Variants in CAD observed in about 807,000 individuals in gnomAD.
CAD encodes multifunctional protein CAD.
CAD carries 81 observed loss-of-function variants against 237.2 expected under a neutral mutation model. The ratio of observed to expected loss-of-function variants is 0.34; its 90% confidence interval spans 0.29 to 0.41. The LOEUF is 0.41. Among genes scored for constraint, CAD ranks in the 10% least tolerant of loss-of-function variants. CAD has a pLI of 1.00. For missense variants in CAD, 2,181 were observed against 2,951.7 expected (o/e 0.74, Z 6.05); for synonymous variants, 1,196 against 1,162.8 (o/e 1.03, Z -0.58).
intron 16 of CAD, 38 bp downstream of exon 16, chr2:27,231,618 A>T (rs1186547019): frequency 1.6e-6 from 2 of 1,262,678 alleles, no homozygotes; most frequent in Non-Finnish European, 2.3e-6. Context: ...CCCCTAAAAT[A>T]GACCCTGCTT....
chr2:27,239,324 T>C lies in CAD; in HGVS notation c.5254-7T>C. The C allele has an allele frequency of 6.2e-7, 1 of 1,612,558 alleles. No individual in the cohort carries two copies. The highest frequency in any genetic ancestry group is 1.7e-4 in the Middle Eastern group (1 of 6,052). On this transcript the variant is annotated splice_polypyrimidine_tract_variant and splice_region_variant and intron_variant, in intron 32 of 43. Transcript: ENST00000264705. The surrounding 1 kb of genome is among the most constrained non-coding windows in gnomAD (Gnocchi z 4.0). ...TTTCCCTAGCATAACCCATGTCCTC[T>C]GGGCAGGTGGATCTGGAGCATGAGT...
Position 27,240,782 on chromosome 2 carries a change from T to C in CAD, c.5594-129T>C. The C allele has an allele frequency of 8.3e-7, 1 of 1,202,240 alleles. No individual in the cohort carries two copies. Among genetic ancestry groups the C allele is most frequent in the Non-Finnish European group, 1.2e-6 (1 of 835,664 alleles). The allele number at this position is 1,202,240 out of a possible 1,614,324, so 74.5% of individuals were successfully genotyped here. On this transcript the variant is annotated intron_variant, in intron 35 of 43. Coordinates refer to ENST00000264705, the MANE Select transcript of CAD (RefSeq NM_004341.5). The surrounding 1 kb of genome is among the most constrained non-coding windows in gnomAD (Gnocchi z 4.6). ...GCTGCTGCAGTCCCCTGCCCTCCCC[T>C]AACCTGCTATATTACTGTGTTGTGA...
chr2:27,225,974 T>C (rs1232468790), intron 12 of CAD, 48 bp downstream of exon 12: 1 of 1,580,396 alleles, frequency 6.3e-7, no homozygotes, highest in Non-Finnish European at 8.7e-7. Context: ...AGGATGAGCT[T>C]TTGGAAGAGC....
Position 27,231,990 on chromosome 2 carries a change from C to T in CAD, c.2411C>T (p.Thr804Ile), listed in dbSNP as rs753227807. The T allele has an allele frequency of 1.9e-6, 3 of 1,614,114 alleles. No homozygotes were observed. Among genetic ancestry groups the T allele is most frequent in the African/African-American group, 2.7e-5 (2 of 74,930 alleles). Reference protein sequence around the residue: ...VKPVSDMELETPTDKRIFVVA... With the variant: ...VKPVSDMELEIPTDKRIFVVA... ...CCCCCTTTCTATCAGGAGTTGGAGA[C>T]TCCAACAGATAAGCGGATTTTTGTG... is the stretch of plus-strand genomic sequence containing the variant. The change falls in exon 17 of 44, where the codon ACT becomes ATT. Residue 804 changes from threonine (T) to isoleucine (I), a missense_variant. This residue lies in a region of CAD where 385 missense variants were observed against 535.1 expected (regional missense o/e 0.72). Transcript: ENST00000264705.
In CAD at chr2:27,232,360, C is replaced by T; in HGVS notation, c.2646-88C>T. 1.3e-6 allele frequency: 2 copies of T among 1,581,866 alleles called. No homozygotes were observed. The highest frequency in any genetic ancestry group is 1.7e-6 in the Non-Finnish European group (2 of 1,162,956). On this transcript the variant is annotated intron_variant, in intron 17 of 43. Transcript: ENST00000264705. This position sits in a 1 kb window ranked among gnomAD's most constrained non-coding sequence, Gnocchi z 4.1. ...TCTGACCTTGGTTCCAAGGATATTTCCTCTCATCTGTGCCCTGGGGTCTCA... is the reference window on the plus strand; with the variant it reads ...TCTGACCTTGGTTCCAAGGATATTTTCTCTCATCTGTGCCCTGGGGTCTCA...
At chr2:27,222,476 A>T in intron 4 of CAD, 43 bp from the exon 5 acceptor site, 1 of 1,605,850 alleles carries the variant, frequency 6.2e-7, no homozygotes, top group Non-Finnish European at 8.5e-7. Flanking sequence ...ATACCCACTG[A>T]GCACAGCTGC....
Position 27,235,509 on chromosome 2 carries a change from C to T in CAD, c.3970-27C>T, listed in dbSNP as rs1675957869. The T allele has an allele frequency of 1.9e-6, 3 of 1,612,362 alleles. No homozygotes were observed. Among genetic ancestry groups the T allele is most frequent in the Admixed American group, 1.7e-5 (1 of 59,978 alleles). On this transcript the variant is annotated intron_variant, in intron 24 of 43. Coordinates refer to ENST00000264705, the MANE Select transcript of CAD (RefSeq NM_004341.5). The surrounding 1 kb of genome is among the most constrained non-coding windows in gnomAD (Gnocchi z 5.2). ...CTTGAAATGGAAGACAGGAAGAAAA[C>T]AATTTCATCCTTCTGTTTGGTTTCA...
intron 15 of CAD, among the ~76,000 whole-genome samples, chr2:27,227,911 G>A (rs1016728349): frequency 2.6e-5 from 4 of 152,260 alleles, no homozygotes; most frequent in African/African-American, 7.2e-5. Flanking sequence ...GTGTATCTGC[G>A]ACTGCATAAT....
chr2:27,233,911 A>G lies in CAD; in HGVS notation c.3400-97A>G. The G allele has an allele frequency of 6.5e-7, 1 of 1,548,850 alleles. No homozygotes were observed. The highest frequency in any genetic ancestry group is 8.9e-7 in the Non-Finnish European group (1 of 1,127,196). On this transcript the variant is annotated intron_variant, in intron 21 of 43. Transcript: ENST00000264705. The surrounding 1 kb of genome is among the most constrained non-coding windows in gnomAD (Gnocchi z 6.3). ...AATCATAGGCACCAGGGCTGGGAACAGTGGGCTATGTGGGGCTCGTTAAAG... is the reference window on the plus strand; with the variant it reads ...AATCATAGGCACCAGGGCTGGGAACGGTGGGCTATGTGGGGCTCGTTAAAG...
chr2:27,237,348 C>T lies in CAD; in HGVS notation c.4397-31C>T. The T allele has an allele frequency of 6.2e-7, 1 of 1,610,418 alleles. No individual in the cohort carries two copies. The highest frequency in any genetic ancestry group is 8.5e-7 in the Non-Finnish European group (1 of 1,177,242). On this transcript the variant is annotated intron_variant, in intron 27 of 43. Transcript: ENST00000264705. This position sits in a 1 kb window ranked among gnomAD's most constrained non-coding sequence, Gnocchi z 4.0. ...TCACCCTTCCTATTTCTGAATCTTC[C>T]TGTAATCTTGCTGCTTCCATTTTCT...
chr2:27,230,091 A>G (rs1305006631), intron 15 of CAD, among the ~76,000 whole-genome samples: 1 of 150,894 alleles, frequency 6.6e-6, no homozygotes, highest in Admixed American at 6.6e-5. Context: ...TACAAAAATT[A>G]CCCAGGCATG....
At position 27,237,417 on chromosome 2, in the gene CAD, G is replaced by A; in HGVS notation, c.4435G>A (p.Gly1479Arg). The change falls in exon 28 of 44, where the codon GGG becomes AGG. Residue 1479 changes from glycine (G) to arginine (R), a missense_variant. Coordinates refer to ENST00000264705, the MANE Select transcript of CAD (RefSeq NM_004341.5). The surrounding 1 kb of genome is among the most constrained non-coding windows in gnomAD (Gnocchi z 4.0). ...CCATGTGCACCTGCGGGAACCAGGTGGGACACATAAGGAGGACTTTGCTTC... is the reference window on the plus strand; with the variant it reads ...CCATGTGCACCTGCGGGAACCAGGTAGGACACATAAGGAGGACTTTGCTTC... ...DVHVHLREPG[G>R]THKEDFASGT... 5 of 1,614,164 alleles carry A rather than the reference G, an allele frequency of 3.1e-6. No homozygotes were observed. Among genetic ancestry groups the A allele is most frequent in the Non-Finnish European group, 3.4e-6 (4 of 1,180,014 alleles).
chr2:27,224,665 G>C lies in CAD; in HGVS notation c.1255-80G>C, dbSNP rs1675343074. 2.5e-6 allele frequency: 4 copies of C among 1,575,124 alleles called. No homozygotes were observed. The East Asian group carries it at 9.0e-5, about 35-fold the overall frequency. On this transcript the variant is annotated intron_variant, in intron 9 of 43. Transcript: ENST00000264705. Reference sequence around the variant, plus strand: ...GGGGCCAAGAGTACAGGGAGGGAAAGAAGAGGAGAATGCTACTCTAAGGCT... The same window carrying C: ...GGGGCCAAGAGTACAGGGAGGGAAACAAGAGGAGAATGCTACTCTAAGGCT...
chr2:27,241,377 G>A lies in CAD; in HGVS notation c.5864G>A (p.Arg1955Gln), dbSNP rs1318916084. The A allele has an allele frequency of 1.2e-6, 2 of 1,614,158 alleles. No homozygotes were observed. The highest frequency in any genetic ancestry group is 1.7e-6 in the Non-Finnish European group (2 of 1,180,006). ...CTGCGTATGATGGTGCAGAAGGAGC[G>A]GAGCCTCGACATCCTGAAGGTCAGG... Reference protein sequence around the residue: ...HTLRMMVQKERSLDILKGKVM... With the variant: ...HTLRMMVQKEQSLDILKGKVM... The change falls in exon 38 of 44, where the codon CGG becomes CAG. Residue 1955 changes from arginine to glutamine, a missense_variant. Coordinates refer to ENST00000264705, the MANE Select transcript of CAD (RefSeq NM_004341.5). The surrounding 1 kb of genome is among the most constrained non-coding windows in gnomAD (Gnocchi z 4.6).
rs2148067322 is a variant in CAD, at chr2:27,226,584, C to T, written c.2091C>T (p.Ala697=). 4 of 1,614,144 alleles carry T rather than the reference C, an allele frequency of 2.5e-6. No individual in the cohort carries two copies. Among genetic ancestry groups the T allele is most frequent in the Non-Finnish European group, 2.5e-6 (3 of 1,180,012 alleles). Residue 697 remains alanine (A), a synonymous_variant, in exon 14 of 44, where the codon GCC becomes GCT. Transcript: ENST00000264705. The stretch of plus-strand genomic sequence containing the variant: ...GCAGCTCTGCCCTGGCCAGTAAGGC[C>T]ACAGGTTATCCACTGGCTTATGTGG... ...LSRSSALASK[A]TGYPLAYVAA... is the part of the protein sequence containing the mutation.
At position 27,223,285 on chromosome 2, in the gene CAD, G is replaced by A. The variant is rs1009516679; in HGVS notation, c.809+248G>A. Among the ~76,000 whole-genome samples the A allele has an allele frequency of 9.9e-5, 15 of 152,258 alleles. No homozygotes were observed. The South Asian group carries it at 3.1e-3, about 32-fold the overall frequency. On this transcript the variant is annotated intron_variant, in intron 6 of 43. Transcript: ENST00000264705. Reference sequence around the variant, plus strand: ...GTCTCTACTAAAAATACAAAAGTTGGCCAGCCATGGTGGCGTGCGCCTGTA... The same window carrying A: ...GTCTCTACTAAAAATACAAAAGTTGACCAGCCATGGTGGCGTGCGCCTGTA...
At position 27,217,414 on chromosome 2, in the gene CAD, C is replaced by T. The variant is rs1195031153; in HGVS notation, c.-138C>T. The T allele has an allele frequency of 6.5e-6, 5 of 773,944 alleles. No homozygotes were observed. The highest frequency in any genetic ancestry group is 1.8e-5 in the African/African-American group (1 of 55,954). 47.9% of individuals were successfully genotyped at this position (773,944 alleles called of 1,614,324 possible). A position where few individuals can be genotyped will look rare whatever the true frequency, so the allele number is the denominator to read the frequency against. On this transcript the variant is annotated 5_prime_UTR_variant, in exon 1 of 44. Coordinates refer to ENST00000264705, the MANE Select transcript of CAD (RefSeq NM_004341.5). Reference sequence around the variant, plus strand: ...AGCGCGCCCGAGGCTCCTACGCTGCCGCGCCCGGCTTCTCTCCAGCGCCCC... The same window carrying T: ...AGCGCGCCCGAGGCTCCTACGCTGCTGCGCCCGGCTTCTCTCCAGCGCCCC...
At chr2:27,218,094 A>G in intron 2 of CAD, 78 bp downstream of exon 2, 1 of 1,323,846 alleles carries the variant, frequency 7.6e-7, no homozygotes, top group Non-Finnish European at 1.0e-6. Flanking sequence ...GGAGACGTTG[A>G]CACCCTGCTG....
At position 27,237,453 on chromosome 2, in the gene CAD, G is replaced by A. The variant is rs138928198; in HGVS notation, c.4471G>A (p.Ala1491Thr). The A allele has an allele frequency of 3.5e-5, 56 of 1,614,004 alleles. No individual in the cohort carries two copies. The highest frequency in any genetic ancestry group is 5.3e-5 in the African/African-American group (4 of 74,928). ...GGAGGACTTTGCTTCAGGCACAGCC[G>A]CTGCCCTGGCTGGGGGTATCACCAT... Reference protein sequence around the residue: ...HKEDFASGTAAALAGGITMVC... With the variant: ...HKEDFASGTATALAGGITMVC... The change falls in exon 28 of 44, where the codon GCT becomes ACT. Residue 1491 changes from alanine (A) to threonine (T), a missense_variant. Physicochemically the swap from Ala to Thr is moderately conservative, Grantham distance 58. Coordinates refer to ENST00000264705, the MANE Select transcript of CAD (RefSeq NM_004341.5). This position sits in a 1 kb window ranked among gnomAD's most constrained non-coding sequence, Gnocchi z 4.0.
Sources: allele counts gnomAD v4.1 joint callset (sites outside exome capture counted in the v4.1 genomes callset), GRCh38; gene constraint gnomAD v4.1.1; regional missense constraint gnomAD v4.1.1; non-coding constraint Gnocchi (gnomAD v3.1); transcripts MANE v1.5; gene names NCBI Gene and HGNC (gene_info 2026-07-23, HGNC 2026-07-21).